Variants in POC1A observed in about 807,000 individuals in gnomAD.
POC1A encodes the protein POC1 centriolar protein homolog A.
Under a neutral mutation model 47.8 loss-of-function variants are expected in POC1A, and 34 were observed. The ratio of observed to expected loss-of-function variants is 0.71; its 90% CI spans 0.54 to 0.95. The LOEUF (loss-of-function observed/expected upper bound fraction) is 0.95. Ranked by LOEUF, POC1A falls within the 40% of genes least tolerant of loss-of-function variation. The probability of loss-of-function intolerance (pLI) is 0.00; values close to 1 mark genes in which losing one functional copy is unlikely to be tolerated. For synonymous variants in POC1A, 177 were observed against 207.6 expected, an observed-to-expected ratio of 0.85 and a Z score of 1.27; for missense variants, 466 against 528.3, an observed-to-expected ratio of 0.88 and a Z score of 1.16.
chr3:52,083,394 A>G (rs775208848), intron 10 of POC1A, among the ~76,000 whole-genome samples: 2 of 152,090 alleles, frequency 1.3e-5, no homozygotes, highest in Non-Finnish European at 2.9e-5. Flanking sequence ...AGTGACGTAC[A>G]GTCCCTCATG....
At chr3:52,077,078 C>T (rs1028303347) in intron 10 of POC1A, among the ~76,000 whole-genome samples, 8 of 152,272 alleles carry the variant, frequency 5.3e-5, no homozygotes, top group East Asian at 3.8e-4. Context: ...CTGGCCATGA[C>T]GCCTTTGGCA....
chr3:52,145,866 C>T lies in POC1A; in HGVS notation c.659G>A (p.Arg220Gln), dbSNP rs754210088. Reference sequence around the variant, plus strand: ...CTCACACTGATAATGCTGCAGCAGCCGGTGAGTCCGCACGTCCCACACCTT... The same window carrying T: ...CTCACACTGATAATGCTGCAGCAGCTGGTGAGTCCGCACGTCCCACACCTT... ...TVKVWDVRTH[R>Q]LLQHYQLHSA... The change falls in exon 6 of 11, where the codon CGG becomes CAG. Residue 220 changes from arginine (R) to glutamine (Q), a missense_variant. Physicochemically the swap from Arg to Gln is conservative, Grantham distance 43 (BLOSUM62 1). Transcript: ENST00000296484. 9.9e-6 allele frequency: 16 copies of T among 1,612,840 alleles called. No homozygotes were observed. The African/African-American group carries it at 1.1e-4, about 11-fold the overall frequency.
rs1577791055 is a variant in POC1A at position 52,080,347 on chromosome 3, C to T, written c.1126-4362G>A. On this transcript the variant is annotated intron_variant, in intron 10 of 10. Transcript: ENST00000296484. Reference sequence around the variant, plus strand: ...TCCAGCCCTGATGCCCAAACTCAGGCAGCCTGAGGAAAGACTAGGGGATCC... The same window carrying T: ...TCCAGCCCTGATGCCCAAACTCAGGTAGCCTGAGGAAAGACTAGGGGATCC... 3.9e-5 allele frequency among the ~76,000 whole-genome samples: 6 copies of T among 152,250 alleles called. 1 individual carries two copies. The South Asian group carries it at 1.2e-3, about 32-fold the overall frequency.
rs373095486 is a variant in POC1A, at chr3:52,094,842, T to C, written c.1125+1727A>G. Among the ~76,000 whole-genome samples the C allele has an allele frequency of 9.7e-4, 147 of 152,282 alleles. 1 individual carries two copies. In the Middle Eastern group the frequency reaches 0.01, roughly 11 times the overall value. ...GCAGGACCAGGGTGCCACAGAAGCA[T>C]TGAGACATCTAGACACCCAGCCATG... is the stretch of plus-strand genomic sequence containing the variant. On this transcript the variant is annotated intron_variant, in intron 10 of 10. Transcript: ENST00000296484.
chr3:52,105,181 G>T (rs1322792804), intron 9 of POC1A, among the ~76,000 whole-genome samples: 1 of 152,162 alleles, frequency 6.6e-6, no homozygotes, highest in East Asian at 1.9e-4. Flanking sequence ...ACAGACCCAG[G>T]TGAACAGCAT....
intron 4 of POC1A, among the ~76,000 whole-genome samples, chr3:52,148,598 C>T (rs759313691): frequency 3.3e-5 from 5 of 152,254 alleles, no homozygotes; most frequent in Non-Finnish European, 5.9e-5. Flanking sequence ...GCACTGGCTC[C>T]CTGGCCAGCA....
chr3:52,077,402 GC>G (rs1295503957), intron 10 of POC1A, among the ~76,000 whole-genome samples: 1 of 152,254 alleles, frequency 6.6e-6, no homozygotes, highest in African/African-American at 2.4e-5. Flanking sequence ...GCAGCGTCCG[GC>G]ACAGACATTA....
At chr3:52,125,753 C>T (rs1395482123) in intron 7 of POC1A, among the ~76,000 whole-genome samples, 1 of 152,184 alleles carries the variant, frequency 6.6e-6, no homozygotes. Flanking sequence ...ACACGTCTCT[C>T]TAATGTGCAT....
chr3:52,082,675 C>A (rs1702339910), intron 10 of POC1A, among the ~76,000 whole-genome samples: 1 of 152,156 alleles, frequency 6.6e-6, no homozygotes, highest in Non-Finnish European at 1.5e-5. Context: ...TATGTAACAC[C>A]TTAAAGGGCC....
intron 6 of POC1A, among the ~76,000 whole-genome samples, chr3:52,142,031 G>C (rs946998301): frequency 1.3e-5 from 2 of 152,176 alleles, no homozygotes; most frequent in African/African-American, 4.8e-5. Flanking sequence ...AAGGAACCGA[G>C]CGTGAGCCTG....
At chr3:52,133,295 A>G (rs1429021911) in intron 7 of POC1A, among the ~76,000 whole-genome samples, 1 of 152,150 alleles carries the variant, frequency 6.6e-6, no homozygotes, top group African/African-American at 2.4e-5. Context: ...GCCTTCCCCA[A>G]CGCTAGTACC....
chr3:52,081,867 C>T (rs1426659433), intron 10 of POC1A, among the ~76,000 whole-genome samples: 1 of 151,910 alleles, frequency 6.6e-6, no homozygotes, highest in African/African-American at 2.4e-5. Flanking sequence ...CAGGAGAAGC[C>T]AGGAAGGAAA....
At chr3:52,141,058 T>C (rs1395865038) in intron 6 of POC1A, among the ~76,000 whole-genome samples, 1 of 152,126 alleles carries the variant, frequency 6.6e-6, no homozygotes, top group African/African-American at 2.4e-5. Flanking sequence ...TCTTATCCCA[T>C]CTCCACTCCA....
At chr3:52,149,452 C>A in intron 3 of POC1A, 63 bp from the exon 4 acceptor site, 1 of 1,480,976 alleles carries the variant, frequency 6.8e-7, no homozygotes, top group South Asian at 1.2e-5. Flanking sequence ...CCCACAAGCA[C>A]ATCAAAGCTC....
At chr3:52,107,978 T>C (rs1703246179) in intron 9 of POC1A, among the ~76,000 whole-genome samples, 1 of 152,236 alleles carries the variant, frequency 6.6e-6, no homozygotes, top group Non-Finnish European at 1.5e-5. Flanking sequence ...CCTCCTCCCA[T>C]CTGTGTCAGT....
At position 52,149,894 on chromosome 3, in the gene POC1A, C is replaced by G. The variant is rs745785989; in HGVS notation, c.197G>C (p.Cys66Ser). Residue 66 changes from cysteine to serine, a missense_variant, in exon 3 of 11, where the codon TGT (cysteine) becomes TCT (serine). Physicochemically the swap from Cys to Ser is moderately radical, Grantham distance 112. Coordinates refer to ENST00000296484, the MANE Select transcript of POC1A (RefSeq NM_015426.5). ...RFTGHKDAVT[C>S]VNFSPSGHLL... ...GTGTCCCGAAGGAGAGAAGTTCACACAGGTGACGGCATCCTTGTGGCCAGT... is the reference window on the plus strand; with the variant it reads ...GTGTCCCGAAGGAGAGAAGTTCACAGAGGTGACGGCATCCTTGTGGCCAGT... 5 of 1,613,860 alleles carry G rather than the reference C, an allele frequency of 3.1e-6. No homozygotes were observed. Among genetic ancestry groups the G allele is most frequent in the African/African-American group, 2.7e-5 (2 of 74,936 alleles).
At chr3:52,146,702 A>T (rs113429807) in intron 5 of POC1A, among the ~76,000 whole-genome samples, 2,505 of 152,348 alleles carry the variant, frequency 0.016, 57 homozygotes, top group African/African-American at 0.052. Flanking sequence ...CCAGAAAGTG[A>T]AGGAGAAAAA....
chr3:52,137,630 C>T (rs1704525189), intron 7 of POC1A, among the ~76,000 whole-genome samples: 3 of 152,146 alleles, frequency 2.0e-5, no homozygotes, highest in Admixed American at 6.5e-5. Flanking sequence ...CCAGCCCACC[C>T]AGGGAGACCA....
chr3:52,122,640 C>T (rs1480136323), intron 8 of POC1A, among the ~76,000 whole-genome samples, 163 bp from the exon 9 acceptor site: 2 of 152,224 alleles, frequency 1.3e-5, no homozygotes, highest in Non-Finnish European at 2.9e-5. Flanking sequence ...CCCCACCTCC[C>T]TGGGGAGCAG....
Sources: gnomAD v4.1 joint callset for allele counts (sites outside exome capture counted in the v4.1 genomes callset) on GRCh38, gnomAD v4.1.1 for gene constraint, MANE v1.5 for transcripts, NCBI Gene and HGNC (gene_info 2026-07-23, HGNC 2026-07-21) for gene names.